The following CCDC73 variants were observed in gnomAD, a reference collection of about 807,000 sequenced individuals.
The protein encoded by CCDC73 is coiled-coil domain containing 73, also known as coiled-coil domain-containing protein 73.
CCDC73 carries 95 observed loss-of-function variants against 116.5 expected under a neutral mutation model. That is an observed-to-expected ratio of 0.82 (90% CI 0.69 to 0.97). The LOEUF (loss-of-function observed/expected upper bound fraction) is 0.97. Among genes scored for constraint, CCDC73 ranks in the 50% least tolerant of loss-of-function variants. The probability of loss-of-function intolerance (pLI) is 0.00; values close to 1 mark genes in which losing one functional copy is unlikely to be tolerated. For missense variants in CCDC73, 1,066 were observed against 1,206.8 expected (o/e 0.88, Z 1.73); for synonymous variants, 398 against 401.3 (o/e 0.99, Z 0.10).
In CCDC73 at chr11:32,649,443, C is replaced by T. The variant is rs539795099; in HGVS notation, c.939+3680G>A. 8.5e-5 allele frequency among the ~76,000 whole-genome samples: 13 copies of T among 152,250 alleles called. No homozygotes were observed. In the South Asian group the frequency reaches 2.7e-3, roughly 32 times the overall value. ...TATCATGAGAATTTAGCTTTCTATG[C>T]TCTAAATTTTACTACTAGAAAAGTA... On this transcript the variant is annotated intron_variant, in intron 12 of 17. Coordinates refer to ENST00000335185, the MANE Select transcript of CCDC73 (RefSeq NM_001008391.4).
chr11:32,675,086 AT>A (rs1321942609), intron 9 of CCDC73, among the ~76,000 whole-genome samples: 1 of 152,192 alleles, frequency 6.6e-6, no homozygotes, highest in Non-Finnish European at 1.5e-5. Context: ...ATGTCATCAC[AT>A]CTTTCACTTT....
At chr11:32,728,105 A>T (rs1316156599) in intron 2 of CCDC73, among the ~76,000 whole-genome samples, 1 of 152,002 alleles carries the variant, frequency 6.6e-6, no homozygotes, top group Non-Finnish European at 1.5e-5. Flanking sequence ...TTTAAAATTT[A>T]GCCAGGCATG....
intron 6 of CCDC73, among the ~76,000 whole-genome samples, chr11:32,685,750 T>G (rs1457409169): frequency 7.2e-6 from 1 of 138,060 alleles, no homozygotes; most frequent in African/African-American, 2.8e-5. Flanking sequence ...TGAGATGGAG[T>G]CTTGCTCTGT....
In CCDC73 at chr11:32,747,540, G is replaced by A. The variant is rs1214667833; in HGVS notation, c.135+12569C>T. Among the ~76,000 whole-genome samples the A allele has an allele frequency of 2.0e-5, 3 of 152,344 alleles. 1 individual carries two copies. The highest frequency in any genetic ancestry group is 4.1e-4 in the South Asian group (2 of 4,832). ...CAGATATGCCCTGCCACCAGAGGTGGAATCTAGAGAGGCAGTAGGCCTTGC... is the reference window on the plus strand; with the variant it reads ...CAGATATGCCCTGCCACCAGAGGTGAAATCTAGAGAGGCAGTAGGCCTTGC... On this transcript the variant is annotated intron_variant, in intron 2 of 17. Coordinates refer to ENST00000335185, the MANE Select transcript of CCDC73 (RefSeq NM_001008391.4).
At chr11:32,724,582 T>A (rs368998204) in intron 2 of CCDC73, among the ~76,000 whole-genome samples, 3 of 26,136 alleles carry the variant, frequency 1.1e-4, no homozygotes, top group African/African-American at 4.4e-4. Flanking sequence ...TTACTTCCGA[T>A]TTTTTAGAAT....
At chr11:32,749,919 G>T (rs1366148839) in intron 2 of CCDC73, among the ~76,000 whole-genome samples, 1 of 149,614 alleles carries the variant, frequency 6.7e-6, no homozygotes, top group Non-Finnish European at 1.5e-5. Flanking sequence ...CGCCCAGGCT[G>T]GAGTGCAATG....
intron 2 of CCDC73, among the ~76,000 whole-genome samples, chr11:32,753,770 A>G (rs1182049700): frequency 6.6e-6 from 1 of 151,962 alleles, no homozygotes; most frequent in Non-Finnish European, 1.5e-5. Context: ...CTGGGTCCCA[A>G]ATAAAATTTC....
chr11:32,767,390 C>T (rs931323633), intron 1 of CCDC73, among the ~76,000 whole-genome samples: 19 of 152,156 alleles, frequency 1.2e-4, no homozygotes, highest in Non-Finnish European at 1.2e-4. Flanking sequence ...CTAGGCAATA[C>T]CATTCAGGAC....
At chr11:32,677,135 G>A (rs1040973667) in intron 7 of CCDC73, among the ~76,000 whole-genome samples, 1 of 152,152 alleles carries the variant, frequency 6.6e-6, no homozygotes. Context: ...ACAAAGAACA[G>A]TATAGGCCCA....
chr11:32,686,226 A>AC (rs1423062643), intron 6 of CCDC73, among the ~76,000 whole-genome samples: 1 of 150,922 alleles, frequency 6.6e-6, no homozygotes, highest in Non-Finnish European at 1.5e-5. Context: ...AAAAAAAAAA[A>AC]AAAAACCAGT....
chr11:32,829,005 G>A, the CCDC73 span, among the ~76,000 whole-genome samples: 1 of 152,132 alleles, frequency 6.6e-6, no homozygotes, highest in East Asian at 1.9e-4. Flanking sequence ...CAAGAGAGTT[G>A]GTGGACACCT....
chr11:32,758,736 C>A, intron 2 of CCDC73: 1 of 208,114 alleles, frequency 4.8e-6, no homozygotes, highest in Non-Finnish European at 1.0e-5. Flanking sequence ...TATAAACAGA[C>A]CAAAGTATAA....
Position 32,764,847 on chromosome 11 carries a change from G to A in CCDC73, c.-15-4589C>T, listed in dbSNP as rs150633827. On this transcript the variant is annotated intron_variant, in intron 1 of 17. Coordinates refer to ENST00000335185, the MANE Select transcript of CCDC73 (RefSeq NM_001008391.4). Reference sequence around the variant, plus strand: ...TTGGATAAAGGGTCAAGACCCATCAGTGTGCAGTATTCAGGAGACCCATCT... The same window carrying A: ...TTGGATAAAGGGTCAAGACCCATCAATGTGCAGTATTCAGGAGACCCATCT... Among the ~76,000 whole-genome samples, 262 of 152,312 alleles carry A rather than the reference G, an allele frequency of 1.7e-3. 7 individuals are homozygous for A. The East Asian group carries it at 0.039, about 23-fold the overall frequency.
chr11:32,611,005 A>G (rs1234368207), intron 17 of CCDC73, 127 bp downstream of exon 17: 1 of 837,324 alleles, frequency 1.2e-6, no homozygotes, highest in African/African-American at 1.7e-5. Flanking sequence ...AAATGGTGCC[A>G]TGTTGCCCTC....
chr11:32,809,018 A>G, the CCDC73 span, among the ~76,000 whole-genome samples: 17,955 of 152,242 alleles, frequency 0.12, 1,090 homozygotes, highest in African/African-American at 0.13. Flanking sequence ...TAACCTTATT[A>G]ATTAGGCCCA....
intron 6 of CCDC73, among the ~76,000 whole-genome samples, chr11:32,693,422 C>A (rs1195863370): frequency 6.6e-6 from 1 of 152,144 alleles, no homozygotes; most frequent in African/African-American, 2.4e-5. Flanking sequence ...CATGAGGTAT[C>A]CTATACATCT....
intron 2 of CCDC73, among the ~76,000 whole-genome samples, chr11:32,731,717 GA>G (rs1251413887): frequency 1.3e-5 from 2 of 151,636 alleles, no homozygotes; most frequent in African/African-American, 4.8e-5. Context: ...CTGTTAGAAG[GA>G]AAACTAACAA....
At chr11:32,776,946 TATATATATATATATAC>T (rs1257776067) in intron 1 of CCDC73, among the ~76,000 whole-genome samples, 6 of 28,024 alleles carry the variant, frequency 2.1e-4, no homozygotes, top group South Asian at 1.8e-3. Context: ...AATATATATA[TATATATATATATATAC>T]ACACACACAC....
the CCDC73 span, among the ~76,000 whole-genome samples, chr11:32,813,823 G>A: frequency 6.6e-6 from 1 of 152,052 alleles, no homozygotes; most frequent in African/African-American, 2.4e-5. Context: ...GTGATTATCT[G>A]GTAGAGCAAC....
Sources: gnomAD v4.1 joint callset for allele counts (sites outside exome capture counted in the v4.1 genomes callset) on GRCh38, gnomAD v4.1.1 for gene constraint, MANE v1.5 for transcripts, NCBI Gene and HGNC (gene_info 2026-07-23, HGNC 2026-07-21) for gene names.